Variants in DCDC2C observed in about 807,000 individuals in gnomAD.
The protein encoded by DCDC2C is doublecortin domain-containing protein 2C.
Under a neutral mutation model 45.0 loss-of-function variants are expected in DCDC2C, and 44 were observed. The ratio of observed to expected loss-of-function variants is 0.98; its 90% CI spans 0.77 to 1.26. The LOEUF (loss-of-function observed/expected upper bound fraction) is 1.26, where lower values mean the gene tolerates loss of function less well. Ranked by LOEUF, DCDC2C falls within the 50% of genes most tolerant of loss-of-function variation. The pLI is 0.00. For missense variants in DCDC2C, 447 were observed against 468.9 expected, an observed-to-expected ratio of 0.95 and a Z score of 0.43; for synonymous variants, 187 against 178.8, an observed-to-expected ratio of 1.05 and a Z score of -0.37.
At chr2:3,755,083 A>G (rs1669650245) in intron 6 of DCDC2C, among the ~76,000 whole-genome samples, 2 of 152,106 alleles carry the variant, frequency 1.3e-5, no homozygotes, top group African/African-American at 2.4e-5. Flanking sequence ...GTGAATACAT[A>G]TGTGTGTGTA....
intron 10 of DCDC2C, among the ~76,000 whole-genome samples, chr2:3,833,132 T>G (rs1052425972): frequency 2.6e-5 from 4 of 152,218 alleles, no homozygotes; most frequent in African/African-American, 9.7e-5. Context: ...CTCTGAGCAT[T>G]CTTTTGCCAT....
intron 10 of DCDC2C, among the ~76,000 whole-genome samples, chr2:3,834,965 A>G (rs989244743): frequency 2.6e-5 from 4 of 152,222 alleles, no homozygotes; most frequent in African/African-American, 9.6e-5. Context: ...AGTTTTCTAA[A>G]TTTGAACTAA....
intron 3 of DCDC2C, among the ~76,000 whole-genome samples, chr2:3,736,731 C>T (rs972290399): frequency 6.6e-6 from 1 of 152,076 alleles, no homozygotes; most frequent in South Asian, 2.1e-4. Flanking sequence ...TCCAAATGGA[C>T]GGGGTTGTTA....
chr2:3,767,959 G>T lies in DCDC2C; in HGVS notation c.853+79G>T, dbSNP rs6752919. Reference sequence around the variant, plus strand: ...AACATGGGATTTTTTTTTTTTCAGAGAAATCTTATACTCCAGAAATATTGT... The same window carrying T: ...AACATGGGATTTTTTTTTTTTCAGATAAATCTTATACTCCAGAAATATTGT... On this transcript the variant is annotated intron_variant, in intron 7 of 10. Coordinates refer to ENST00000399143, the MANE Select transcript of DCDC2C (RefSeq NM_001287444.2). 5,764 of 1,315,130 alleles carry T rather than the reference G, an allele frequency of 4.4e-3. 202 individuals are homozygous for T. In the African/African-American group the frequency reaches 0.077, roughly 18 times the overall value. 81.5% of individuals were successfully genotyped at this position (1,315,130 alleles called of 1,614,324 possible). A position where few individuals can be genotyped will look rare whatever the true frequency, so the allele number is the denominator to read the frequency against.
At chr2:3,829,127 C>G (rs1005804609) in intron 10 of DCDC2C, among the ~76,000 whole-genome samples, 1 of 152,128 alleles carries the variant, frequency 6.6e-6, no homozygotes, top group African/African-American at 2.4e-5. Flanking sequence ...GCCTGTGATG[C>G]TGGCTTTAGA....
rs1236265617 is a variant in DCDC2C at position 3,754,501 on chromosome 2, C to T, written c.684-91C>T. Reference sequence around the variant, plus strand: ...AGCTTGCTCCTCCTCGTGGTCACTTCCCTCCTAAAGACAAGGCTGCAGTCT... The same window carrying T: ...AGCTTGCTCCTCCTCGTGGTCACTTTCCTCCTAAAGACAAGGCTGCAGTCT... On this transcript the variant is annotated intron_variant, in intron 5 of 10. Coordinates refer to ENST00000399143, the MANE Select transcript of DCDC2C (RefSeq NM_001287444.2). 6 of 1,310,598 alleles carry T rather than the reference C, an allele frequency of 4.6e-6. No homozygotes were observed. The East Asian group carries it at 1.0e-4, about 22-fold the overall frequency. 81.2% of individuals were successfully genotyped at this position (1,310,598 alleles called of 1,614,324 possible). A position where few individuals can be genotyped will look rare whatever the true frequency, so the allele number is the denominator to read the frequency against.
chr2:3,716,723 T>C (rs1419189053), intron 2 of DCDC2C, among the ~76,000 whole-genome samples: 1 of 152,204 alleles, frequency 6.6e-6, no homozygotes, highest in Non-Finnish European at 1.5e-5. Flanking sequence ...GTGAGGAAGA[T>C]ATTATGAAGA....
At chr2:3,817,935 G>A (rs1391431896) in intron 10 of DCDC2C, among the ~76,000 whole-genome samples, 1 of 152,172 alleles carries the variant, frequency 6.6e-6, no homozygotes, top group South Asian at 2.1e-4. Context: ...AGAAAGGAAA[G>A]GAGTTGCTGT....
At chr2:3,836,887 G>A (rs1030213274) in intron 10 of DCDC2C, among the ~76,000 whole-genome samples, 1 of 151,792 alleles carries the variant, frequency 6.6e-6, no homozygotes, top group Admixed American at 6.6e-5. Context: ...GAGTACACTG[G>A]TCTTCTCTGT....
chr2:3,732,152 G>A (rs764278131), intron 3 of DCDC2C, among the ~76,000 whole-genome samples: 1 of 152,166 alleles, frequency 6.6e-6, no homozygotes, highest in South Asian at 2.1e-4. Context: ...TCGGGGGACC[G>A]AGGAGTAGTT....
intron 10 of DCDC2C, among the ~76,000 whole-genome samples, chr2:3,840,435 G>A (rs536739585): frequency 6.6e-6 from 1 of 152,308 alleles, no homozygotes; most frequent in South Asian, 2.1e-4. Flanking sequence ...GGGGTTGGGG[G>A]AAGAAAAATA....
At chr2:3,753,925 T>G (rs150821231) in intron 5 of DCDC2C, among the ~76,000 whole-genome samples, 2 of 152,314 alleles carry the variant, frequency 1.3e-5, no homozygotes, top group East Asian at 3.9e-4. Flanking sequence ...TGGATATTTC[T>G]TGATTTTATT....
intron 4 of DCDC2C, among the ~76,000 whole-genome samples, chr2:3,744,493 C>T (rs112678446): frequency 0.021 from 3,220 of 152,182 alleles, 124 homozygotes; most frequent in African/African-American, 0.074. Flanking sequence ...GCTGAGAAGG[C>T]GCAGGGGAGA....
chr2:3,754,958 C>T (rs1423858564), intron 6 of DCDC2C, among the ~76,000 whole-genome samples: 2 of 152,176 alleles, frequency 1.3e-5, no homozygotes, highest in South Asian at 2.1e-4. Context: ...CTGACTCAAG[C>T]TTGGCATGAG....
At chr2:3,846,941 C>T (rs191570868) in intron 10 of DCDC2C, among the ~76,000 whole-genome samples, 378 of 152,322 alleles carry the variant, frequency 2.5e-3, no homozygotes, top group Non-Finnish European at 4.4e-3. Flanking sequence ...AGGTTTCCTG[C>T]GGCGGTTCTG....
At chr2:3,832,090 G>A (rs1312035437) in intron 10 of DCDC2C, among the ~76,000 whole-genome samples, 2 of 152,092 alleles carry the variant, frequency 1.3e-5, no homozygotes, top group African/African-American at 2.4e-5. Context: ...ACCTGATTTC[G>A]ATTGTGCATC....
chr2:3,819,670 T>G (rs919110903), intron 10 of DCDC2C, among the ~76,000 whole-genome samples: 5 of 152,198 alleles, frequency 3.3e-5, no homozygotes, highest in Admixed American at 6.5e-5. Context: ...CATCTCAGGG[T>G]TGCTGCCAAA....
At chr2:3,723,464 AT>A (rs1321994661) in intron 2 of DCDC2C, among the ~76,000 whole-genome samples, 1 of 152,176 alleles carries the variant, frequency 6.6e-6, no homozygotes, top group Non-Finnish European at 1.5e-5. Context: ...GAATGGGCTG[AT>A]GTTTCAGGAA....
chr2:3,840,621 A>T (rs1282490910), intron 10 of DCDC2C, among the ~76,000 whole-genome samples: 1 of 152,222 alleles, frequency 6.6e-6, no homozygotes, highest in African/African-American at 2.4e-5. Flanking sequence ...TACATCTTAC[A>T]TTAAAATACC....
Sources: gnomAD v4.1 joint callset for allele counts (sites outside exome capture counted in the v4.1 genomes callset) on GRCh38, gnomAD v4.1.1 for gene constraint, MANE v1.5 for transcripts, NCBI Gene and HGNC (gene_info 2026-07-23, HGNC 2026-07-21) for gene names.